Variants in DLC1 observed in about 807,000 individuals in gnomAD.
DLC1 encodes the protein DLC1 Rho GTPase activating protein.
DLC1 carries 54 observed loss-of-function variants against 140.3 expected under a neutral mutation model. The observed-to-expected ratio is 0.38, with a 90% CI of 0.31 to 0.48. DLC1 has a LOEUF of 0.48. DLC1 is among the 20% of genes least tolerant of loss of function. The pLI, the probability that DLC1 is intolerant of heterozygous loss-of-function variation, is 0.96. For synonymous variants in DLC1, 986 were observed against 728.1 expected (o/e 1.35, Z -5.70); for missense variants, 2,536 against 1,907.0 (o/e 1.33, Z -6.14).
intron 5 of DLC1, among the ~76,000 whole-genome samples, chr8:13,229,150 T>C (rs2117191421): frequency 6.6e-6 from 1 of 152,264 alleles, no homozygotes; most frequent in Non-Finnish European, 1.5e-5. Context: ...GCAGCTTTCT[T>C]CATAATAACC....
intron 4 of DLC1, among the ~76,000 whole-genome samples, chr8:13,369,328 C>T (rs916586467): frequency 7.2e-6 from 1 of 139,260 alleles, no homozygotes; most frequent in Non-Finnish European, 1.5e-5. Context: ...TTCATAGTCT[C>T]GCACGTCCAG....
intron 4 of DLC1, among the ~76,000 whole-genome samples, chr8:13,350,489 G>A (rs566300088): frequency 2.6e-5 from 4 of 152,296 alleles, no homozygotes; most frequent in Non-Finnish European, 5.9e-5. Context: ...GCCGAGGCAG[G>A]TGGATCGCTT....
intron 2 of DLC1, among the ~76,000 whole-genome samples, chr8:13,486,922 G>A (rs1013008196): frequency 8.5e-5 from 13 of 152,184 alleles, no homozygotes; most frequent in Non-Finnish European, 1.5e-4. Context: ...CTGTACACAA[G>A]AAATTGGCAG....
chr8:13,602,636 C>T (rs1307745681), intron 1 of DLC1, among the ~76,000 whole-genome samples: 2 of 151,848 alleles, frequency 1.3e-5, no homozygotes, highest in Non-Finnish European at 3.0e-5. Flanking sequence ...CCTAGAAGTT[C>T]ACTATACTGC....
intron 4 of DLC1, among the ~76,000 whole-genome samples, chr8:13,366,254 C>T (rs1835474598): frequency 1.3e-5 from 2 of 152,224 alleles, no homozygotes; most frequent in African/African-American, 4.8e-5. Context: ...GACAACTCTG[C>T]TTTCATCTGC....
chr8:13,278,772 G>A (rs1250332612), intron 5 of DLC1, among the ~76,000 whole-genome samples: 3 of 152,122 alleles, frequency 2.0e-5, no homozygotes, highest in African/African-American at 7.2e-5. Context: ...GAAAGGAAGG[G>A]GAGCAGTAAA....
At chr8:13,221,506 G>A (rs1468171261) in intron 5 of DLC1, among the ~76,000 whole-genome samples, 1 of 151,316 alleles carries the variant, frequency 6.6e-6, no homozygotes, top group African/African-American at 2.4e-5. Context: ...GAGTAGCTGG[G>A]ACTACAGGCA....
Position 13,401,565 on chromosome 8 carries a change from T to C in DLC1, c.1078A>G (p.Met360Val), listed in dbSNP as rs147994291. ...TCCTGATCAAGCTGGTCCAGTTTCA[T>C]AATCAGCAGCACCATGGAGTCCAGC... The part of the protein sequence containing the change: ...ARLDSMVLLI[M>V]KLDQLDQDIE... Residue 360 changes from methionine (M) to valine (V), a missense_variant, in exon 3 of 18, where the codon ATG becomes GTG. Transcript: ENST00000276297. 15 of 1,613,820 alleles carry C rather than the reference T, an allele frequency of 9.3e-6. No individual in the cohort carries two copies. The East Asian group carries it at 2.9e-4, about 31-fold the overall frequency.
intron 5 of DLC1, among the ~76,000 whole-genome samples, chr8:13,142,719 AC>A (rs1823093912): frequency 6.6e-6 from 1 of 152,182 alleles, no homozygotes. Context: ...ACTATTCTGA[AC>A]CCATGTACCC....
intron 5 of DLC1, among the ~76,000 whole-genome samples, chr8:13,254,823 T>C (rs1830151504): frequency 6.6e-6 from 1 of 152,178 alleles, no homozygotes; most frequent in African/African-American, 2.4e-5. Context: ...TCATTTAGCA[T>C]TTAACAAAAT....
chr8:13,260,047 AACAC>A (rs1212983550), intron 5 of DLC1, among the ~76,000 whole-genome samples: 10 of 152,168 alleles, frequency 6.6e-5, no homozygotes, highest in African/African-American at 2.4e-4. Context: ...TGTTAAAGAA[AACAC>A]ACAAACAGCA....
intron 2 of DLC1, among the ~76,000 whole-genome samples, chr8:13,434,918 G>A (rs890177369): frequency 6.6e-6 from 1 of 152,058 alleles, no homozygotes; most frequent in Non-Finnish European, 1.5e-5. Context: ...GAGCTCAAGC[G>A]ATCCACCCGC....
At chr8:13,551,504 G>A (rs868472131) in intron 1 of DLC1, among the ~76,000 whole-genome samples, 2 of 151,950 alleles carry the variant, frequency 1.3e-5, no homozygotes, top group Non-Finnish European at 2.9e-5. Flanking sequence ...TTTCACAATA[G>A]CATTTTCCCC....
intron 5 of DLC1, among the ~76,000 whole-genome samples, chr8:13,143,812 C>CGGAGAGAGAGAGAGAG (rs1194741154): frequency 1.9e-5 from 1 of 53,606 alleles, no homozygotes; most frequent in Admixed American, 2.4e-4. Context: ...AAATGAAAAG[C>CGGAGAGAGAGAGAGAG]TGAGAGAGAG....
intron 2 of DLC1, among the ~76,000 whole-genome samples, chr8:13,468,761 T>C (rs746430854): frequency 2.0e-5 from 3 of 149,532 alleles, no homozygotes; most frequent in Non-Finnish European, 1.5e-5. Flanking sequence ...AGTTTTCAAA[T>C]CAAAGGATTG....
At chr8:13,288,520 A>G (rs895963663) in intron 5 of DLC1, among the ~76,000 whole-genome samples, 14 of 152,160 alleles carry the variant, frequency 9.2e-5, no homozygotes, top group Admixed American at 8.5e-4. Flanking sequence ...TTGCCTAGAA[A>G]TGCCTCAGAT....
rs1307651561 is a variant in DLC1 at position 13,325,447 on chromosome 8, TATACACACAC to T, written c.1315-20155_1315-20146del. Among the ~76,000 whole-genome samples the T allele has an allele frequency of 3.1e-3, 466 of 149,166 alleles. 5 individuals carry two copies. Among genetic ancestry groups the T allele is most frequent in the African/African-American group, 0.011 (439 of 39,736 alleles). ...AACATGTTCTGGGACAATAGTTCTG[TATACACACAC>T]ACACACACACACACACACACACAGA... On this transcript the variant is annotated intron_variant, in intron 4 of 17. Coordinates refer to ENST00000276297, the MANE Select transcript of DLC1 (RefSeq NM_182643.3).
intron 2 of DLC1, among the ~76,000 whole-genome samples, chr8:13,426,271 A>G (rs1314732824): frequency 6.6e-6 from 1 of 152,180 alleles, no homozygotes; most frequent in African/African-American, 2.4e-5. Flanking sequence ...CTGACATCAA[A>G]GTTGGCAAGT....
intron 1 of DLC1, among the ~76,000 whole-genome samples, chr8:13,602,416 T>A (rs1805918783): frequency 6.6e-6 from 1 of 151,824 alleles, no homozygotes; most frequent in Non-Finnish European, 1.5e-5. Flanking sequence ...TTTTTTAAAC[T>A]GTGATCATTG....
Sources: allele counts gnomAD v4.1 joint callset (sites outside exome capture counted in the v4.1 genomes callset), GRCh38; gene constraint gnomAD v4.1.1; transcripts MANE v1.5; gene names NCBI Gene and HGNC (gene_info 2026-07-23, HGNC 2026-07-21).